RNGTT: variants seen among roughly 807,000 people sequenced by gnomAD.
RNGTT encodes mRNA-capping enzyme.
Under a neutral mutation model 79.3 loss-of-function variants are expected in RNGTT, and 33 were observed. That is an observed-to-expected ratio of 0.42 (90% CI 0.32 to 0.56). The LOEUF (loss-of-function observed/expected upper bound fraction) is 0.56. Ranked by LOEUF, RNGTT falls within the 20% of genes least tolerant of loss-of-function variation. The pLI is 0.17. For synonymous variants in RNGTT, 222 were observed against 235.9 expected (o/e 0.94, Z 0.54); for missense variants, 497 against 739.1 (o/e 0.67, Z 3.80).
At chr6:88,955,431 T>C (rs1423868739) in intron 1 of RNGTT, among the ~76,000 whole-genome samples, 1 of 150,908 alleles carries the variant, frequency 6.6e-6, no homozygotes, top group Non-Finnish European at 1.5e-5. Flanking sequence ...GCGCCTGTAA[T>C]CCTAGCTGCT....
At chr6:88,933,817 C>T (rs181437973) in intron 2 of RNGTT, among the ~76,000 whole-genome samples, 3 of 152,282 alleles carry the variant, frequency 2.0e-5, no homozygotes, top group Non-Finnish European at 4.4e-5. Flanking sequence ...CATTCATCCA[C>T]CCTTTGATAA....
At chr6:88,800,373 T>A (rs1779745138) in intron 12 of RNGTT, among the ~76,000 whole-genome samples, 1 of 152,158 alleles carries the variant, frequency 6.6e-6, no homozygotes, top group South Asian at 2.1e-4. Context: ...TTATAGCATA[T>A]CAGTCTTTGA....
chr6:88,612,843 A>T lies in RNGTT; in HGVS notation c.1670T>A (p.Met557Lys). Residue 557 changes from methionine (M) to lysine (K), a missense_variant, in exon 16 of 16, where the codon ATG becomes AAG. Transcript: ENST00000369485. ...ACATCTGTCGATGAACTCAAACAGCATCTCCTTGGTGACAGGGTTTGAGAT... is the reference window on the plus strand; with the variant it reads ...ACATCTGTCGATGAACTCAAACAGCTTCTCCTTGGTGACAGGGTTTGAGAT... ...NSISNPVTKE[M>K]LFEFIDRCTA... The T allele has an allele frequency of 1.2e-6, 2 of 1,613,846 alleles. No homozygotes were observed. The highest frequency in any genetic ancestry group is 1.7e-6 in the Non-Finnish European group (2 of 1,179,940).
chr6:88,702,747 T>G (rs904156125), intron 13 of RNGTT, among the ~76,000 whole-genome samples: 2 of 152,004 alleles, frequency 1.3e-5, no homozygotes, highest in African/African-American at 4.8e-5. Flanking sequence ...GCAAAAGAAA[T>G]TATCAACAGA....
At chr6:88,709,450 G>A (rs1776249348) in intron 13 of RNGTT, among the ~76,000 whole-genome samples, 1 of 152,178 alleles carries the variant, frequency 6.6e-6, no homozygotes. Context: ...TAGAACGCAA[G>A]CTAAAGCTGC....
intron 12 of RNGTT, among the ~76,000 whole-genome samples, chr6:88,780,883 G>T (rs947443148): frequency 6.6e-6 from 1 of 152,164 alleles, no homozygotes; most frequent in Non-Finnish European, 1.5e-5. Flanking sequence ...TATATTTGTG[G>T]TGTAAAGCAC....
At chr6:88,733,793 G>C (rs1221795474) in intron 13 of RNGTT, among the ~76,000 whole-genome samples, 1 of 151,402 alleles carries the variant, frequency 6.6e-6, no homozygotes, top group Non-Finnish European at 1.5e-5. Flanking sequence ...CAAGAAGACA[G>C]TGTCTTAAAA....
chr6:88,714,989 A>G (rs2127809504), intron 13 of RNGTT, among the ~76,000 whole-genome samples: 1 of 152,326 alleles, frequency 6.6e-6, no homozygotes, highest in East Asian at 1.9e-4. Flanking sequence ...AGAAGGAAAT[A>G]AAGGGTATTC....
intron 13 of RNGTT, among the ~76,000 whole-genome samples, chr6:88,742,413 T>C (rs1336822043): frequency 1.3e-5 from 2 of 152,250 alleles, no homozygotes; most frequent in African/African-American, 4.8e-5. Context: ...CATATCTGTT[T>C]CAAAAATTAT....
chr6:88,890,611 C>T lies in RNGTT; in HGVS notation c.795-15G>A, dbSNP rs773936118. ...GGAATCCAGACCTTAAAGAAGAACA[C>T]AGTATTACTATCGTGGCTGGTATCC... On this transcript the variant is annotated splice_polypyrimidine_tract_variant and intron_variant, in intron 7 of 15. Coordinates refer to ENST00000369485, the MANE Select transcript of RNGTT (RefSeq NM_003800.5). The T allele has an allele frequency of 1.7e-5, 27 of 1,571,244 alleles. No individual in the cohort carries two copies. Among genetic ancestry groups the T allele is most frequent in the Middle Eastern group, 3.4e-4 (2 of 5,968 alleles).
intron 11 of RNGTT, among the ~76,000 whole-genome samples, chr6:88,828,471 A>C (rs1200069987): frequency 6.6e-6 from 1 of 152,178 alleles, no homozygotes; most frequent in East Asian, 1.9e-4. Flanking sequence ...TCCAAAAGCC[A>C]GAATGCCTCT....
intron 4 of RNGTT, among the ~76,000 whole-genome samples, chr6:88,926,297 C>G (rs1326469118): frequency 1.3e-5 from 2 of 152,112 alleles, no homozygotes; most frequent in Non-Finnish European, 2.9e-5. Flanking sequence ...GATTTAATGA[C>G]TGGAAAGAAA....
At chr6:88,899,108 GA>G in intron 6 of RNGTT, among the ~76,000 whole-genome samples, 1 of 149,156 alleles carries the variant, frequency 6.7e-6, no homozygotes, top group African/African-American at 2.5e-5. Context: ...ATTATGGTTT[GA>G]AAAAAGAAAA....
intron 11 of RNGTT, among the ~76,000 whole-genome samples, chr6:88,802,476 T>C (rs150679946): frequency 1.7e-3 from 257 of 152,332 alleles, no homozygotes; most frequent in Non-Finnish European, 3.1e-3. Context: ...AACATGTATA[T>C]CACTGATGGA....
At chr6:88,962,541 G>A (rs976273016) in intron 1 of RNGTT, among the ~76,000 whole-genome samples, 2 of 152,024 alleles carry the variant, frequency 1.3e-5, no homozygotes, top group African/African-American at 4.8e-5. Context: ...GGGAGGCCGA[G>A]GCGGGCGGAT....
chr6:88,887,720 T>C (rs1782913084), intron 8 of RNGTT, among the ~76,000 whole-genome samples: 2 of 152,022 alleles, frequency 1.3e-5, no homozygotes, highest in Admixed American at 1.3e-4. Context: ...AGGAACAAAA[T>C]CAACAAAAGT....
At chr6:88,926,923 T>C (rs1562039647) in intron 4 of RNGTT, among the ~76,000 whole-genome samples, 1 of 152,216 alleles carries the variant, frequency 6.6e-6, no homozygotes, top group Non-Finnish European at 1.5e-5. Context: ...TAACTAATTA[T>C]TGCTTGTTTC....
At chr6:88,875,325 A>C (rs1562297061) in intron 8 of RNGTT, among the ~76,000 whole-genome samples, 1 of 152,080 alleles carries the variant, frequency 6.6e-6, no homozygotes, top group East Asian at 1.9e-4. Flanking sequence ...CGAGAAACCA[A>C]ACATCCAACT....
intron 12 of RNGTT, 70 bp downstream of exon 12, chr6:88,801,494 A>G: frequency 8.4e-6 from 10 of 1,191,150 alleles, no homozygotes; most frequent in East Asian, 2.4e-5. Flanking sequence ...ATGTGTATGT[A>G]TATGTATATC....
Sources: gnomAD v4.1 joint callset for allele counts (sites outside exome capture counted in the v4.1 genomes callset) on GRCh38, gnomAD v4.1.1 for gene constraint, MANE v1.5 for transcripts, NCBI Gene and HGNC (gene_info 2026-07-23, HGNC 2026-07-21) for gene names.